KCND2: variants seen among roughly 807,000 people sequenced by gnomAD.
KCND2 encodes the protein potassium voltage-gated channel subfamily D member 2.
A neutral mutation model predicts 54.4 loss-of-function variants in KCND2; 16 were observed. The ratio of observed to expected loss-of-function variants is 0.29; its 90% CI spans 0.20 to 0.45. The LOEUF (loss-of-function observed/expected upper bound fraction) is 0.45, where lower values mean the gene tolerates loss of function less well. KCND2 is among the 20% of genes least tolerant of loss of function. KCND2 has a pLI of 1.00. For synonymous variants in KCND2, 317 were observed against 310.7 expected, an observed-to-expected ratio of 1.02 and a Z score of -0.21; for missense variants, 486 against 824.2, an observed-to-expected ratio of 0.59 and a Z score of 5.02.
At chr7:120,273,149 C>T (rs1799102536), upstream of KCND2, among the ~76,000 whole-genome samples, 1 of 152,144 alleles carries the variant, frequency 6.6e-6, no homozygotes, top group South Asian at 2.1e-4. Context: ...AAGGTCAAGC[C>T]GAGGGAAAGG....
chr7:120,577,543 G>GACA (rs145189203), intron 1 of KCND2, among the ~76,000 whole-genome samples: 19,355 of 151,882 alleles, frequency 0.13, 2,112 homozygotes, highest in African/African-American at 0.31. Context: ...GGACTCAAAC[G>GACA]ACAACAACAA....
chr7:120,498,347 G>A (rs979136531), intron 1 of KCND2, among the ~76,000 whole-genome samples: 3 of 152,054 alleles, frequency 2.0e-5, no homozygotes, highest in Admixed American at 2.0e-4. Context: ...AGGTGTGGTG[G>A]CATGCACCTG....
At chr7:120,367,166 C>A (rs1163141406) in intron 1 of KCND2, among the ~76,000 whole-genome samples, 1 of 152,064 alleles carries the variant, frequency 6.6e-6, no homozygotes, top group East Asian at 1.9e-4. Flanking sequence ...GACAAGAAAC[C>A]TGGAATCCAT....
At chr7:120,563,154 A>T (rs1792256001) in intron 1 of KCND2, among the ~76,000 whole-genome samples, 1 of 152,210 alleles carries the variant, frequency 6.6e-6, no homozygotes, top group Admixed American at 6.5e-5. Flanking sequence ...ATTCTGACAC[A>T]TCTATAAGAG....
chr7:120,274,521 C>G lies in KCND2; in HGVS notation c.-112C>G. ...TTGGAATAAGAGTTACACCTCTGGA[C>G]CACGTTTCTCACTAGTACTTTGCTT... On this transcript the variant is annotated 5_prime_UTR_variant, in exon 1 of 6. Transcript: ENST00000331113. The G allele has an allele frequency of 8.2e-7, 1 of 1,222,794 alleles. No individual in the cohort carries two copies. The highest frequency in any genetic ancestry group is 1.2e-6 in the Non-Finnish European group (1 of 826,788). The allele number at this position is 1,222,794 out of a possible 1,614,324, so 75.7% of individuals were successfully genotyped here. A position where few individuals can be genotyped will look rare whatever the true frequency, so the allele number is the denominator to read the frequency against.
chr7:120,714,144 C>T (rs570941607), intron 1 of KCND2, among the ~76,000 whole-genome samples: 1 of 152,044 alleles, frequency 6.6e-6, no homozygotes, highest in East Asian at 1.9e-4. Flanking sequence ...TAATTCAGTT[C>T]TACAGTGCCT....
intron 1 of KCND2, among the ~76,000 whole-genome samples, chr7:120,671,094 A>C (rs1314615607): frequency 6.6e-6 from 1 of 152,002 alleles, no homozygotes; most frequent in African/African-American, 2.4e-5. Context: ...AAATATGTTC[A>C]TTTTTAATGA....
chr7:120,564,014 C>T lies in KCND2; in HGVS notation c.1116-168889C>T, dbSNP rs534664591. Among the ~76,000 whole-genome samples, 41 of 152,210 alleles carry T rather than the reference C, an allele frequency of 2.7e-4. No homozygotes were observed. The South Asian group carries it at 7.9e-3, about 29-fold the overall frequency. ...AGTGTTTGTCTTCTTTACTTTTAGA[C>T]ATATACCAGCAGAAGAATAAACAAA... On this transcript the variant is annotated intron_variant, in intron 1 of 5. Coordinates refer to ENST00000331113, the MANE Select transcript of KCND2 (RefSeq NM_012281.3).
At chr7:120,483,395 A>G (rs1802634701) in intron 1 of KCND2, among the ~76,000 whole-genome samples, 1 of 152,212 alleles carries the variant, frequency 6.6e-6, no homozygotes, top group Non-Finnish European at 1.5e-5. Context: ...TGGGTCCCTC[A>G]TCAATTTAAA....
intron 1 of KCND2, among the ~76,000 whole-genome samples, chr7:120,309,452 C>CATATATATATATATATATATATAT (rs61690032): frequency 6.6e-4 from 45 of 68,196 alleles, no homozygotes; most frequent in East Asian, 3.4e-3. Context: ...TAATAGAAAA[C>CATATATATATATATATATATATAT]ATATATATAT....
At chr7:120,622,485 T>TTTTATATATA (rs562549225) in intron 1 of KCND2, among the ~76,000 whole-genome samples, 15 of 151,100 alleles carry the variant, frequency 9.9e-5, no homozygotes, top group Admixed American at 9.2e-4. Flanking sequence ...TGCGAAATTG[T>TTTTATATATA]TATATATATA....
chr7:120,637,419 A>C (rs1793319074), intron 1 of KCND2, among the ~76,000 whole-genome samples: 1 of 152,106 alleles, frequency 6.6e-6, no homozygotes, highest in African/African-American at 2.4e-5. Flanking sequence ...TAAAATAGAT[A>C]ATGGATTTTA....
rs76446034 is a variant in KCND2 at position 120,462,993 on chromosome 7, A to C, written c.1115+187246A>C. On this transcript the variant is annotated intron_variant, in intron 1 of 5. Coordinates refer to ENST00000331113, the MANE Select transcript of KCND2 (RefSeq NM_012281.3). ...TTTCTACTATCTGTATGTCAAGCAAAGATAGGCCATGCTGCAGTAACAAAT... is the reference window on the plus strand; with the variant it reads ...TTTCTACTATCTGTATGTCAAGCAACGATAGGCCATGCTGCAGTAACAAAT... Among the ~76,000 whole-genome samples, 16 of 152,188 alleles carry C rather than the reference A, an allele frequency of 1.1e-4. No individual in the cohort carries two copies. In the East Asian group the frequency reaches 3.1e-3, roughly 29 times the overall value.
intron 1 of KCND2, among the ~76,000 whole-genome samples, chr7:120,374,478 T>G (rs1479586363): frequency 1.3e-5 from 2 of 151,826 alleles, no homozygotes; most frequent in African/African-American, 2.4e-5. Context: ...TTAAGATATT[T>G]CTTAGTTGAA....
intron 1 of KCND2, among the ~76,000 whole-genome samples, chr7:120,629,136 A>G (rs1345558401): frequency 6.6e-6 from 1 of 152,238 alleles, no homozygotes; most frequent in African/African-American, 2.4e-5. Context: ...ATTTTTTCAA[A>G]GCAGGAGAAA....
intron 1 of KCND2, among the ~76,000 whole-genome samples, chr7:120,398,251 A>G (rs1801189842): frequency 6.7e-6 from 1 of 150,138 alleles, no homozygotes; most frequent in Non-Finnish European, 1.5e-5. Flanking sequence ...GAACTAATAC[A>G]TCTTGTAAAT....
rs180844373 is a variant in KCND2 at position 120,638,726 on chromosome 7, C to G, written c.1116-94177C>G. ...GGCCTACACATCTCCCTCTCTAGTT[C>G]AAGATGGAAAGTCCTCTCTGGAAAT... On this transcript the variant is annotated intron_variant, in intron 1 of 5. Transcript: ENST00000331113. 2.2e-3 allele frequency among the ~76,000 whole-genome samples: 329 copies of G among 152,170 alleles called. 5 individuals carry two copies. The highest frequency in any genetic ancestry group is 0.013 in the Admixed American group (198 of 15,266).
intron 1 of KCND2, among the ~76,000 whole-genome samples, chr7:120,350,219 A>G (rs1212911141): frequency 6.6e-6 from 1 of 152,100 alleles, no homozygotes; most frequent in Non-Finnish European, 1.5e-5. Flanking sequence ...TTGAGTGAAT[A>G]TAGTTCATTT....
chr7:120,506,239 C>T (rs538136066), intron 1 of KCND2, among the ~76,000 whole-genome samples: 23 of 151,592 alleles, frequency 1.5e-4, no homozygotes, highest in African/African-American at 5.5e-4. Flanking sequence ...ATCCAAGTGC[C>T]AAAAATATGC....
Sources: gnomAD v4.1 joint callset for allele counts (sites outside exome capture counted in the v4.1 genomes callset) on GRCh38, gnomAD v4.1.1 for gene constraint, MANE v1.5 for transcripts, NCBI Gene and HGNC (gene_info 2026-07-23, HGNC 2026-07-21) for gene names.